ECSCR: variants seen among roughly 807,000 people sequenced by gnomAD.
The protein encoded by ECSCR is endothelial cell-specific chemotaxis regulator.
In ECSCR, 12 loss-of-function variants were observed where a neutral mutation model predicts 16.7. The observed-to-expected ratio is 0.72, with a 90% CI of 0.46 to 1.17. The LOEUF is 1.17. ECSCR is among the 50% of genes most tolerant of loss of function. ECSCR has a pLI of 0.00. For missense variants in ECSCR, 122 were observed against 116.1 expected, an observed-to-expected ratio of 1.05 and a Z score of -0.23; for synonymous variants, 44 against 42.2, an observed-to-expected ratio of 1.04 and a Z score of -0.17.
At chr5:139,458,496 TCAACAAAAAAAAAA>T (rs1228662646) in intron 1 of ECSCR, among the ~76,000 whole-genome samples, 3 of 33,120 alleles carry the variant, frequency 9.1e-5, no homozygotes, top group African/African-American at 1.8e-4. Context: ...AGACCCTATC[TCAACAAAAAAAAAA>T]AAAAAAAAAA....
intron 8 of ECSCR, among the ~76,000 whole-genome samples, chr5:139,449,781 G>A (rs1750995928): frequency 6.6e-6 from 1 of 152,046 alleles, no homozygotes; most frequent in Non-Finnish European, 1.5e-5. Context: ...GAGTGCTGTG[G>A]CACGATCACA....
At chr5:139,462,535 T>G in intron 1 of ECSCR, 75 bp downstream of exon 1, 32 of 1,442,740 alleles carry the variant, frequency 2.2e-5, no homozygotes, top group Non-Finnish European at 2.8e-5. Flanking sequence ...ATGTGTCTCC[T>G]GAGAAAGAGA....
At chr5:139,460,877 C>T (rs954658886) in intron 1 of ECSCR, among the ~76,000 whole-genome samples, 1 of 152,126 alleles carries the variant, frequency 6.6e-6, no homozygotes, top group African/African-American at 2.4e-5. Flanking sequence ...GGATTTTAAT[C>T]GAGCCTGGCA....
chr5:139,450,305 C>G (rs1163813130), intron 8 of ECSCR, among the ~76,000 whole-genome samples: 1 of 151,998 alleles, frequency 6.6e-6, no homozygotes, highest in South Asian at 2.1e-4. Flanking sequence ...GAGTTTGAGA[C>G]CAGCCTGGCC....
rs141926049 is a variant in ECSCR, at chr5:139,449,351, A to G, written c.513-177T>C. On this transcript the variant is annotated intron_variant, in intron 8 of 9. Coordinates refer to ENST00000618155, the MANE Select transcript of ECSCR (RefSeq NM_001077693.4). The stretch of plus-strand genomic sequence containing the variant: ...ACCGAAAGACTGCATTTATTTATTT[A>G]TTTAGAGATGGAGTCTCGCTCTGTC... Among the ~76,000 whole-genome samples the G allele has an allele frequency of 9.8e-3, 1,491 of 152,134 alleles. 5 individuals carry two copies. Among genetic ancestry groups the G allele is most frequent in the Non-Finnish European group, 0.016 (1,075 of 67,988 alleles).
intron 1 of ECSCR, among the ~76,000 whole-genome samples, chr5:139,459,964 C>T (rs1156311799): frequency 6.6e-6 from 1 of 152,176 alleles, no homozygotes; most frequent in African/African-American, 2.4e-5. Flanking sequence ...AGCCCCATTC[C>T]CTTGTTGGCG....
At chr5:139,451,379 G>A (rs1751042870) in intron 8 of ECSCR, among the ~76,000 whole-genome samples, 1 of 150,916 alleles carries the variant, frequency 6.6e-6, no homozygotes, top group South Asian at 2.1e-4. Context: ...TTTTTTATGT[G>A]GTGTGTGGGT....
rs917445124 is a variant in ECSCR at position 139,457,485 on chromosome 5, C to A, written c.217+60G>T. ...TCTATATTCTCTTTTAGAGCAGAAA[C>A]TGTTGGGGTCCTCACTGGGCCCTCC... On this transcript the variant is annotated intron_variant, in intron 4 of 9. Transcript: ENST00000618155. 1.6e-3 allele frequency: 1,216 copies of A among 780,260 alleles called. 10 individuals carry two copies. Among genetic ancestry groups the A allele is most frequent in the African/African-American group, 0.015 (910 of 59,250 alleles). The allele number at this position is 780,260 out of a possible 1,614,324, so 48.3% of individuals were successfully genotyped here.
Position 139,458,155 on chromosome 5 carries a change from C to T in ECSCR, c.90G>A (p.Gln30=), listed in dbSNP as rs986825129. Residue 30 remains glutamine (Q), a synonymous_variant, in exon 2 of 10, where the codon CAG becomes CAA. Coordinates refer to ENST00000618155, the MANE Select transcript of ECSCR (RefSeq NM_001077693.4). ...TGGTCTTACCCTGAGAGCTAGAGGT[C>T]TGGGTCATTGTGGGCTGGGAGTTGT... ...RGHNSQPTMT[Q]TSSSQGGLGG... The T allele has an allele frequency of 1.7e-5, 26 of 1,549,600 alleles. No homozygotes were observed. In the East Asian group the frequency reaches 4.9e-4, roughly 29 times the overall value.
intron 1 of ECSCR, 32 bp from the exon 2 acceptor site, chr5:139,458,215 A>G (rs1236264740): frequency 6.5e-7 from 1 of 1,547,958 alleles, no homozygotes; most frequent in Non-Finnish European, 8.7e-7. Flanking sequence ...ATAGCTTGGT[A>G]AGTCCCCTGC....
chr5:139,449,310 C>T (rs137919352), intron 8 of ECSCR, 136 bp from the exon 9 acceptor site: 9 of 656,192 alleles, frequency 1.4e-5, no homozygotes, highest in East Asian at 5.5e-5. Flanking sequence ...TGATGAAATG[C>T]GAGTGTGCTT....
At chr5:139,450,587 T>C (rs1293172545) in intron 8 of ECSCR, among the ~76,000 whole-genome samples, 4 of 150,512 alleles carry the variant, frequency 2.7e-5, no homozygotes, top group African/African-American at 9.8e-5. Flanking sequence ...ACCAGCCTGG[T>C]CAACATGGTG....
chr5:139,457,196 C>G (rs1185408538), intron 4 of ECSCR, among the ~76,000 whole-genome samples: 2 of 152,138 alleles, frequency 1.3e-5, no homozygotes, highest in African/African-American at 4.8e-5. Flanking sequence ...GTTCCCTCTG[C>G]CTGGAATAAG....
chr5:139,455,492 G>C (rs1417040850), intron 5 of ECSCR, 56 bp from the exon 6 acceptor site: 3 of 396,624 alleles, frequency 7.6e-6, no homozygotes, highest in Admixed American at 4.4e-5. Flanking sequence ...AGGGAAGCTA[G>C]AGCTAGCTTC....
chr5:139,453,880 G>A (rs1269383535), intron 8 of ECSCR, among the ~76,000 whole-genome samples: 1 of 148,782 alleles, frequency 6.7e-6, no homozygotes, highest in Non-Finnish European at 1.5e-5. Context: ...TGTGTTTGAG[G>A]TGTGTGTGAG....
intron 2 of ECSCR, 79 bp downstream of exon 2, chr5:139,458,059 TA>T: frequency 6.9e-7 from 1 of 1,455,356 alleles, no homozygotes; most frequent in Non-Finnish European, 9.4e-7. Flanking sequence ...AGGTTAAGGC[TA>T]AATTGGCATA....
At chr5:139,449,018 G>A (rs1750970925) in intron 9 of ECSCR, 60 bp downstream of exon 9, 5 of 1,531,828 alleles carry the variant, frequency 3.3e-6, no homozygotes, top group Non-Finnish European at 4.4e-6. Flanking sequence ...TGGCCTGAAA[G>A]TAGGAGGAGG....
At chr5:139,457,894 T>TCC in intron 2 of ECSCR, 87 bp from the exon 3 acceptor site, 2 of 1,425,326 alleles carry the variant, frequency 1.4e-6, no homozygotes, top group Non-Finnish European at 1.9e-6. Flanking sequence ...TGTGTCTTTC[T>TCC]CCCTACCCCA....
chr5:139,451,442 T>C (rs1479642363), intron 8 of ECSCR, among the ~76,000 whole-genome samples: 21 of 137,198 alleles, frequency 1.5e-4, no homozygotes, highest in African/African-American at 5.6e-4. Context: ...TAGTATGAGG[T>C]ATGTGTGTAG....
Sources: gnomAD v4.1 joint callset for allele counts (sites outside exome capture counted in the v4.1 genomes callset) on GRCh38, gnomAD v4.1.1 for gene constraint, MANE v1.5 for transcripts, NCBI Gene and HGNC (gene_info 2026-07-23, HGNC 2026-07-21) for gene names.